Variants in CRTAC1 observed in about 807,000 individuals in gnomAD.
The protein encoded by CRTAC1 is acidic secreted protein in cartilage.
CRTAC1 carries 37 observed loss-of-function variants against 67.8 expected under a neutral mutation model. That is an observed-to-expected ratio of 0.55 (90% CI 0.42 to 0.72). The LOEUF (loss-of-function observed/expected upper bound fraction) is 0.72, where lower values mean the gene tolerates loss of function less well. Ranked by LOEUF, CRTAC1 falls within the 30% of genes least tolerant of loss-of-function variation. CRTAC1 has a pLI of 0.00. For synonymous variants in CRTAC1, 348 were observed against 371.0 expected (o/e 0.94, Z 0.71); for missense variants, 780 against 931.6 (o/e 0.84, Z 2.12).
chr10:97,941,271 C>T lies in CRTAC1; in HGVS notation c.225-4905G>A, dbSNP rs114122714. Among the ~76,000 whole-genome samples the T allele has an allele frequency of 4.1e-3, 627 of 152,302 alleles. 3 individuals are homozygous for T. The highest frequency in any genetic ancestry group is 0.014 in the African/African-American group (567 of 41,558). ...CAAGGAGGCCAACTTCCTCTGGTTT[C>T]CTGCGCTCTCTCTGGCTTCCTCTCC... On this transcript the variant is annotated intron_variant, in intron 2 of 14. Coordinates refer to ENST00000370597, the MANE Select transcript of CRTAC1 (RefSeq NM_018058.7).
At chr10:98,016,229 T>C (rs1842993951) in intron 1 of CRTAC1, among the ~76,000 whole-genome samples, 1 of 152,168 alleles carries the variant, frequency 6.6e-6, no homozygotes, top group African/African-American at 2.4e-5. Context: ...GGGTTCTGGG[T>C]AGGAATTTGC....
rs771418948 is a variant in CRTAC1 at position 97,896,984 on chromosome 10, G to C, written c.1141C>G (p.Arg381Gly). 6.4e-7 allele frequency: 1 copy of C among 1,556,516 alleles called. No homozygotes were observed. The highest frequency in any genetic ancestry group is 1.4e-5 in the African/African-American group (1 of 73,542). The change falls in exon 9 of 15, where the codon CGT (arginine) becomes GGT (glycine). Residue 381 changes from arginine to glycine, a missense_variant. Physicochemically the swap from Arg to Gly is moderately radical, Grantham distance 125. Coordinates refer to ENST00000370597, the MANE Select transcript of CRTAC1 (RefSeq NM_018058.7). ...ATGAGGGGGTCTCCGTGCTCTCTAC[G>C]GATGACGCTGCAGGAGAGGAGACAG... is the stretch of plus-strand genomic sequence containing the variant. ...SSANRLFRVI[R>G]REHGDPLIEE... is the part of the protein sequence containing the mutation.
rs2136716617 is a variant in CRTAC1 at position 98,030,421 on chromosome 10, G to A, written c.24+28C>T. On this transcript the variant is annotated intron_variant, in intron 1 of 14. Coordinates refer to ENST00000370597, the MANE Select transcript of CRTAC1 (RefSeq NM_018058.7). The surrounding 1 kb of genome is among the most constrained non-coding windows in gnomAD (Gnocchi z 4.2). ...GCTGGAGAAACTTTCTCCGCCTTAG[G>A]GTGGGGGGCACCGGTGCAGATACTC... 1.6e-6 allele frequency: 2 copies of A among 1,243,378 alleles called. No homozygotes were observed. The highest frequency in any genetic ancestry group is 2.0e-6 in the Non-Finnish European group (2 of 983,022). The allele number at this position is 1,243,378 out of a possible 1,614,324, so 77.0% of individuals were successfully genotyped here. A position where few individuals can be genotyped will look rare whatever the true frequency, so the allele number is the denominator to read the frequency against.
intron 2 of CRTAC1, among the ~76,000 whole-genome samples, chr10:97,968,799 C>A (rs967645020): frequency 2.0e-5 from 3 of 152,190 alleles, no homozygotes; most frequent in Non-Finnish European, 4.4e-5. Flanking sequence ...TCACCTCTTG[C>A]GGAAGGAATA....
intron 2 of CRTAC1, among the ~76,000 whole-genome samples, chr10:97,969,827 A>G (rs2051679269): frequency 6.6e-6 from 1 of 150,984 alleles, no homozygotes; most frequent in African/African-American, 2.4e-5. Flanking sequence ...GTCATTGGGT[A>G]TCTCCTCTCC....
intron 4 of CRTAC1, among the ~76,000 whole-genome samples, chr10:97,921,713 T>C (rs540118317): frequency 6.6e-6 from 1 of 152,254 alleles, no homozygotes; most frequent in South Asian, 2.1e-4. Context: ...ATTCCTCCCC[T>C]GGCAGTCCTC....
intron 11 of CRTAC1, among the ~76,000 whole-genome samples, chr10:97,894,170 AAAAT>A (rs2050417312): frequency 6.6e-6 from 1 of 152,236 alleles, no homozygotes; most frequent in Non-Finnish European, 1.5e-5. Context: ...TTGTTTTCTT[AAAAT>A]AAACTGTCAA....
At chr10:97,881,168 G>C (rs1384568806) in intron 13 of CRTAC1, among the ~76,000 whole-genome samples, 3 of 152,180 alleles carry the variant, frequency 2.0e-5, no homozygotes, top group Admixed American at 6.5e-5. Context: ...TCACTCCCCA[G>C]TTTAGCTTCT....
At chr10:97,991,151 C>T (rs1842448287) in intron 2 of CRTAC1, among the ~76,000 whole-genome samples, 1 of 144,034 alleles carries the variant, frequency 6.9e-6, no homozygotes, top group Non-Finnish European at 1.5e-5. Flanking sequence ...TTGTGGCATG[C>T]ACTCCCAGCT....
chr10:98,021,747 C>G (rs189158326), intron 1 of CRTAC1, among the ~76,000 whole-genome samples: 1 of 152,102 alleles, frequency 6.6e-6, no homozygotes. Context: ...CAGGCCTGCT[C>G]GGTGCTCCCC....
In CRTAC1 at chr10:97,882,923, A is replaced by C. The variant is rs145015083; in HGVS notation, c.1633-95T>G. 6.3e-3 allele frequency: 8,018 copies of C among 1,267,920 alleles called. 37 individuals carry two copies. The highest frequency in any genetic ancestry group is 8.1e-3 in the Non-Finnish European group (7,115 of 878,064). 78.5% of individuals were successfully genotyped at this position (1,267,920 alleles called of 1,614,324 possible). ...CAGCCACAGAGTAGTTGTCACCCTA[A>C]CCACAGTGTGAGGCATGCTCTGAGC... On this transcript the variant is annotated intron_variant, in intron 12 of 14. Coordinates refer to ENST00000370597, the MANE Select transcript of CRTAC1 (RefSeq NM_018058.7).
chr10:98,003,255 C>T (rs1425487847), intron 2 of CRTAC1, among the ~76,000 whole-genome samples: 2 of 152,152 alleles, frequency 1.3e-5, no homozygotes, highest in East Asian at 1.9e-4. Context: ...CATTTTATCT[C>T]GTGTTTTAGT....
In CRTAC1 at chr10:98,008,086, C is replaced by G. The variant is rs181718716; in HGVS notation, c.224+3052G>C. The stretch of plus-strand genomic sequence containing the variant: ...GGTGGCACATATCATTCCCTTTGAC[C>G]TGGAAAGGATAGGGAAACTGAAAAT... On this transcript the variant is annotated intron_variant, in intron 2 of 14. Coordinates refer to ENST00000370597, the MANE Select transcript of CRTAC1 (RefSeq NM_018058.7). Among the ~76,000 whole-genome samples the G allele has an allele frequency of 2.0e-5, 3 of 152,142 alleles. No homozygotes were observed. In the East Asian group the frequency reaches 5.8e-4, roughly 29 times the overall value.
rs762559019 is a variant in CRTAC1, at chr10:97,923,415, A to G, written c.422-15T>C. 6.2e-7 allele frequency: 1 copy of G among 1,613,970 alleles called. No individual in the cohort carries two copies. The highest frequency in any genetic ancestry group is 8.5e-7 in the Non-Finnish European group (1 of 1,179,994). ...CGTGGCCACCCCTGGAGAGAGGAGG[A>G]AAGGGAGGGCTGGTGGACAGTGGAT... On this transcript the variant is annotated splice_polypyrimidine_tract_variant and intron_variant, in intron 3 of 14. Coordinates refer to ENST00000370597, the MANE Select transcript of CRTAC1 (RefSeq NM_018058.7).
chr10:97,875,116 C>T (rs1290037844), intron 14 of CRTAC1, among the ~76,000 whole-genome samples: 5 of 152,216 alleles, frequency 3.3e-5, no homozygotes, highest in Non-Finnish European at 5.9e-5. Flanking sequence ...ACCTAGAGAT[C>T]GCACAGCATA....
At chr10:97,929,927 C>T (rs991889017) in intron 3 of CRTAC1, among the ~76,000 whole-genome samples, 2 of 152,206 alleles carry the variant, frequency 1.3e-5, no homozygotes, top group African/African-American at 4.8e-5. Context: ...GAAGAAAGAA[C>T]TCATTCAGGC....
intron 2 of CRTAC1, among the ~76,000 whole-genome samples, chr10:97,951,192 C>T (rs566418516): frequency 3.9e-5 from 6 of 152,316 alleles, no homozygotes; most frequent in African/African-American, 1.4e-4. Context: ...GATCTACCTC[C>T]TACTGTGGAT....
rs772530688 is a variant in CRTAC1 at position 98,011,176 on chromosome 10, A to T, written c.186T>A (p.Asp62Glu). The T allele has an allele frequency of 6.2e-7, 1 of 1,614,208 alleles. No individual in the cohort carries two copies. Among genetic ancestry groups the T allele is most frequent in the Non-Finnish European group, 8.5e-7 (1 of 1,180,036 alleles). ...TCTCAAAGTCCCCATCATGGTCCAC[A>T]TCAGTAACTGCCACACCATAGTTGA... Reference protein sequence around the residue: ...TQLNYGVAVTDVDHDGDFEIV... With the variant: ...TQLNYGVAVTEVDHDGDFEIV... Residue 62 changes from aspartate to glutamate, a missense_variant, in exon 2 of 15, where the codon GAT (aspartate) becomes GAA (glutamate). By Grantham distance (45) the Asp-to-Glu change is conservative (BLOSUM62 2). Coordinates refer to ENST00000370597, the MANE Select transcript of CRTAC1 (RefSeq NM_018058.7).
intron 14 of CRTAC1, among the ~76,000 whole-genome samples, chr10:97,876,178 G>A (rs535379117): frequency 6.6e-6 from 1 of 152,310 alleles, no homozygotes; most frequent in Admixed American, 6.5e-5. Flanking sequence ...AGAAGGGAGT[G>A]GTAGTTGAGA....
Sources: gnomAD v4.1 joint callset for allele counts (sites outside exome capture counted in the v4.1 genomes callset) on GRCh38, gnomAD v4.1.1 for gene constraint, Gnocchi (gnomAD v3.1) non-coding constraint, MANE v1.5 for transcripts, NCBI Gene and HGNC (gene_info 2026-07-23, HGNC 2026-07-21) for gene names.